CADPS2: variants seen among roughly 807,000 people sequenced by gnomAD.
CADPS2 encodes calcium dependent secretion activator 2, also known as calcium-dependent secretion activator 2.
Under a neutral mutation model 172.5 loss-of-function variants are expected in CADPS2, and 93 were observed. The ratio of observed to expected loss-of-function variants is 0.54; its 90% CI spans 0.46 to 0.64. The LOEUF (loss-of-function observed/expected upper bound fraction) is 0.64, where lower values mean the gene tolerates loss of function less well. CADPS2 is among the 30% of genes least tolerant of loss of function. CADPS2 has a pLI of 0.00. For synonymous variants in CADPS2, 546 were observed against 555.2 expected, an observed-to-expected ratio of 0.98 and a Z score of 0.23; for missense variants, 1,420 against 1,565.9, an observed-to-expected ratio of 0.91 and a Z score of 1.57.
chr7:122,422,552 T>A (rs893083282), intron 17 of CADPS2, among the ~76,000 whole-genome samples: 1 of 152,112 alleles, frequency 6.6e-6, no homozygotes, highest in Admixed American at 6.5e-5. Flanking sequence ...CTCACACACA[T>A]ATACACAATG....
chr7:122,814,394 G>C (rs1012706937), intron 1 of CADPS2, among the ~76,000 whole-genome samples: 3 of 151,986 alleles, frequency 2.0e-5, no homozygotes, highest in East Asian at 3.8e-4. Context: ...CACACCACTA[G>C]ATCCATAACA....
At chr7:122,840,990 G>A (rs529848574) in intron 1 of CADPS2, among the ~76,000 whole-genome samples, 17 of 152,216 alleles carry the variant, frequency 1.1e-4, no homozygotes, top group Non-Finnish European at 1.5e-4. Flanking sequence ...CTTAAACTGA[G>A]CAAGAGTTTA....
At chr7:122,329,859 G>T (rs1435608314) in intron 28 of CADPS2, among the ~76,000 whole-genome samples, 1 of 152,060 alleles carries the variant, frequency 6.6e-6, no homozygotes, top group East Asian at 1.9e-4. Flanking sequence ...TATATATCAC[G>T]GCTGCTTCAA....
intron 9 of CADPS2, among the ~76,000 whole-genome samples, chr7:122,504,559 C>A (rs1369911548): frequency 2.0e-5 from 3 of 151,976 alleles, no homozygotes; most frequent in Non-Finnish European, 1.5e-5. Flanking sequence ...TCTTCCCACT[C>A]TCAGGGCATG....
At chr7:122,392,389 GTT>G (rs759134436) in intron 22 of CADPS2, among the ~76,000 whole-genome samples, 2 of 146,658 alleles carry the variant, frequency 1.4e-5, no homozygotes, top group African/African-American at 5.0e-5. Flanking sequence ...CCTCAATACA[GTT>G]TTTTTTTTTT....
At chr7:122,832,625 G>T (rs1188506485) in intron 1 of CADPS2, among the ~76,000 whole-genome samples, 1 of 152,186 alleles carries the variant, frequency 6.6e-6, no homozygotes, top group African/African-American at 2.4e-5. Flanking sequence ...CAGTAATGTT[G>T]TCTGGCTTTA....
rs1563949667 is a variant in CADPS2 at position 122,645,453 on chromosome 7, ATGT to A, written c.787-16128_787-16126del. On this transcript the variant is annotated intron_variant, in intron 3 of 29. Transcript: ENST00000449022. ...TATATATGTATATATACACACACATATGTATATATGTGTATATATGTATATATA... is the reference window on the plus strand; with the variant it reads ...TATATATGTATATATACACACACATAATATATGTGTATATATGTATATATA... Among the ~76,000 whole-genome samples, 101 of 87,080 alleles carry A rather than the reference ATGT, an allele frequency of 1.2e-3. 4 individuals are homozygous for A. Among genetic ancestry groups the A allele is most frequent in the Non-Finnish European group, 1.5e-3 (61 of 39,436 alleles). The allele number at this position is 87,080 out of a possible 152,430, so 57.1% of individuals were successfully genotyped here.
At chr7:122,459,680 T>C (rs568276283) in intron 14 of CADPS2, among the ~76,000 whole-genome samples, 2 of 152,354 alleles carry the variant, frequency 1.3e-5, no homozygotes, top group South Asian at 4.1e-4. Context: ...AGTTGATTAA[T>C]TTAAAAACAT....
chr7:122,405,134 A>C (rs867811955), intron 20 of CADPS2, among the ~76,000 whole-genome samples: 6 of 151,668 alleles, frequency 4.0e-5, no homozygotes, highest in African/African-American at 1.5e-4. Flanking sequence ...CAAAAAACAA[A>C]AAAACAAAAC....
At chr7:122,626,202 G>A (rs944275258) in intron 4 of CADPS2, among the ~76,000 whole-genome samples, 3 of 152,102 alleles carry the variant, frequency 2.0e-5, no homozygotes, top group Non-Finnish European at 4.4e-5. Flanking sequence ...AGCAACATAG[G>A]GAATCATCAC....
chr7:122,761,198 G>C (rs76904831), intron 1 of CADPS2, among the ~76,000 whole-genome samples: 2,779 of 152,290 alleles, frequency 0.018, 37 homozygotes, highest in Non-Finnish European at 0.026. Flanking sequence ...GGGAAACCCA[G>C]ACATAACTGA....
At chr7:122,634,561 T>C (rs943084168) in intron 3 of CADPS2, among the ~76,000 whole-genome samples, 1 of 152,204 alleles carries the variant, frequency 6.6e-6, no homozygotes, top group Non-Finnish European at 1.5e-5. Flanking sequence ...CGTATCCTTC[T>C]TTGTTAATCT....
At chr7:122,685,308 G>A (rs1373264480) in intron 2 of CADPS2, among the ~76,000 whole-genome samples, 1 of 152,208 alleles carries the variant, frequency 6.6e-6, no homozygotes, top group Non-Finnish European at 1.5e-5. Context: ...TTGTTTCCAA[G>A]TGGCAATGCT....
intron 7 of CADPS2, among the ~76,000 whole-genome samples, chr7:122,573,687 C>G (rs2132595698): frequency 6.6e-6 from 1 of 152,134 alleles, no homozygotes; most frequent in African/African-American, 2.4e-5. Context: ...ATTCAACAAA[C>G]TAAATAGTTA....
chr7:122,624,641 T>C (rs1245718159), intron 4 of CADPS2, among the ~76,000 whole-genome samples: 2 of 152,206 alleles, frequency 1.3e-5, no homozygotes, highest in Non-Finnish European at 2.9e-5. Context: ...ATCCTTACCA[T>C]ATTGGTATTC....
chr7:122,414,054 A>G lies in CADPS2; in HGVS notation c.2589+14T>C. The G allele has an allele frequency of 6.4e-7, 1 of 1,556,116 alleles. No homozygotes were observed. The highest frequency in any genetic ancestry group is 8.6e-7 in the Non-Finnish European group (1 of 1,162,154). On this transcript the variant is annotated intron_variant, in intron 19 of 29. Coordinates refer to ENST00000449022, the MANE Select transcript of CADPS2 (RefSeq NM_017954.11). ...ATCCTATGCTAATAAAATAGTGGAA[A>G]TCATTTTACTCACCTCTCTTCCCTG...
chr7:122,682,697 T>C (rs1202899094), intron 2 of CADPS2, among the ~76,000 whole-genome samples: 2 of 152,146 alleles, frequency 1.3e-5, no homozygotes, highest in African/African-American at 4.8e-5. Flanking sequence ...TCTCCACTCA[T>C]CAGCTGGGAA....
At chr7:122,572,575 C>T (rs1040648350) in intron 7 of CADPS2, among the ~76,000 whole-genome samples, 1 of 152,076 alleles carries the variant, frequency 6.6e-6, no homozygotes, top group Non-Finnish European at 1.5e-5. Context: ...GACCCTTTAT[C>T]AAGTTAAAGA....
At chr7:122,515,894 C>T (rs2060332565) in intron 8 of CADPS2, among the ~76,000 whole-genome samples, 1 of 151,454 alleles carries the variant, frequency 6.6e-6, no homozygotes, top group South Asian at 2.1e-4. Context: ...GACATTTGGT[C>T]AATTTTGTTA....
Sources: allele counts gnomAD v4.1 joint callset (sites outside exome capture counted in the v4.1 genomes callset), GRCh38; gene constraint gnomAD v4.1.1; transcripts MANE v1.5; gene names NCBI Gene and HGNC (gene_info 2026-07-23, HGNC 2026-07-21).